ANKRD36: variants seen among roughly 807,000 people sequenced by gnomAD.
ANKRD36 encodes ankyrin repeat domain 36, also known as ankyrin repeat domain-containing protein 36A.
ANKRD36 carries 179 observed loss-of-function variants against 278.1 expected under a neutral mutation model. The observed-to-expected ratio is 0.64, with a 90% confidence interval of 0.57 to 0.73. The LOEUF (loss-of-function observed/expected upper bound fraction) is 0.73. ANKRD36 is among the 30% of genes least tolerant of loss of function. The pLI is 0.00. For missense variants in ANKRD36, 1,159 were observed against 1,956.7 expected, an observed-to-expected ratio of 0.59 and a Z score of 7.69; for synonymous variants, 320 against 641.1, an observed-to-expected ratio of 0.50 and a Z score of 7.57.
chr2:97,196,527 C>T, intron 40 of ANKRD36, 66 bp from the exon 41 acceptor site: 4 of 1,595,934 alleles, frequency 2.5e-6, no homozygotes, highest in African/African-American at 1.3e-5. Context: ...GCTAACTCTG[C>T]TTGAATGTAT....
At position 97,146,156 on chromosome 2, in the gene ANKRD36, C is replaced by T. The variant is rs974353352; in HGVS notation, c.1004-330C>T. On this transcript the variant is annotated intron_variant, in intron 10 of 75. Coordinates refer to ENST00000420699, the MANE Select transcript of ANKRD36 (RefSeq NM_001354587.1). Reference sequence around the variant, plus strand: ...TAATTTTTGTGTTTTTACTAGAGTCCGGCTTTTGCCATGTTGGCCAGGTTG... The same window carrying T: ...TAATTTTTGTGTTTTTACTAGAGTCTGGCTTTTGCCATGTTGGCCAGGTTG... Among the ~76,000 whole-genome samples, 13 of 151,994 alleles carry T rather than the reference C, an allele frequency of 8.6e-5. 1 individual carries two copies. Among genetic ancestry groups the T allele is most frequent in the Admixed American group, 4.6e-4 (7 of 15,224 alleles).
rs2039231034 is a variant in ANKRD36 at position 97,128,575 on chromosome 2, G to A, written c.799+1441G>A. 3.3e-5 allele frequency among the ~76,000 whole-genome samples: 5 copies of A among 151,982 alleles called. No homozygotes were observed. In the Admixed American group the frequency reaches 3.3e-4, roughly 10 times the overall value. On this transcript the variant is annotated intron_variant, in intron 6 of 75. Coordinates refer to ENST00000420699, the MANE Select transcript of ANKRD36 (RefSeq NM_001354587.1). ...GGTATGTCTGTTGTCCAAATATGGG[G>A]AACAAATCTACCAAGATCCTGTGTA...
chr2:97,188,391 G>T (rs1199682395), intron 32 of ANKRD36, among the ~76,000 whole-genome samples: 1 of 151,566 alleles, frequency 6.6e-6, no homozygotes, highest in Non-Finnish European at 1.5e-5. Context: ...GATAATTGAT[G>T]ATATTTTTAT....
chr2:97,133,048 G>A (rs1478307570), intron 6 of ANKRD36, among the ~76,000 whole-genome samples: 1 of 152,104 alleles, frequency 6.6e-6, no homozygotes, highest in African/African-American at 2.4e-5. Context: ...TTTAGGTACA[G>A]TGAGCTACTT....
chr2:97,190,152 A>G lies in ANKRD36; in HGVS notation c.2246-826A>G. Among the ~76,000 whole-genome samples, 3 of 90,810 alleles carry G rather than the reference A, an allele frequency of 3.3e-5. 1 individual carries two copies. The South Asian group carries it at 7.4e-4, about 23-fold the overall frequency. The allele number at this position is 90,810 out of a possible 152,430, so 59.6% of individuals were successfully genotyped here. A position where few individuals can be genotyped will look rare whatever the true frequency, so the allele number is the denominator to read the frequency against. ...TATTTTAGAAACAAAAATTATGTTG[A>G]ATTCTAATTAACTCCTAAAATGGTA... is the stretch of plus-strand genomic sequence containing the variant. On this transcript the variant is annotated intron_variant, in intron 34 of 75. Transcript: ENST00000420699.
chr2:97,132,123 A>G (rs2040347259), intron 6 of ANKRD36, among the ~76,000 whole-genome samples: 2 of 150,562 alleles, frequency 1.3e-5, no homozygotes. Flanking sequence ...CACCGCCCCC[A>G]GCCTACTAAT....
intron 6 of ANKRD36, among the ~76,000 whole-genome samples, chr2:97,141,794 A>G (rs961166662): frequency 3.8e-4 from 58 of 151,898 alleles, no homozygotes; most frequent in Non-Finnish European, 6.8e-4. Flanking sequence ...TATTTTAGAA[A>G]CAAAAATAAT....
chr2:97,208,063 T>C, intron 54 of ANKRD36, 57 bp downstream of exon 54: 1 of 1,424,274 alleles, frequency 7.0e-7, no homozygotes, highest in South Asian at 1.3e-5. Flanking sequence ...AGAAGTTCTC[T>C]TCCCTGAATA....
chr2:97,225,622 T>A (rs996473382), intron 67 of ANKRD36, among the ~76,000 whole-genome samples: 1 of 152,112 alleles, frequency 6.6e-6, no homozygotes, highest in African/African-American at 2.4e-5. Context: ...TGCTTTTCTT[T>A]TTTTATTTTA....
At chr2:97,222,870 T>C (rs1425488510) in intron 66 of ANKRD36, among the ~76,000 whole-genome samples, 1 of 152,048 alleles carries the variant, frequency 6.6e-6, no homozygotes, top group Non-Finnish European at 1.5e-5. Context: ...AACCTATTTT[T>C]TTAATAAGAT....
intron 22 of ANKRD36, among the ~76,000 whole-genome samples, chr2:97,178,220 A>C (rs1182899876): frequency 2.0e-5 from 3 of 151,690 alleles, no homozygotes; most frequent in Middle Eastern, 3.2e-3. Context: ...ACACTTTTAC[A>C]CTGTTGGTGG....
chr2:97,222,597 C>CATAT (rs1396148265), intron 66 of ANKRD36, among the ~76,000 whole-genome samples: 2 of 152,142 alleles, frequency 1.3e-5, no homozygotes, highest in Non-Finnish European at 2.9e-5. Flanking sequence ...AGCACCTTTC[C>CATAT]ATATACCTGT....
chr2:97,227,516 A>G (rs1255445757), intron 67 of ANKRD36, among the ~76,000 whole-genome samples: 1 of 152,114 alleles, frequency 6.6e-6, no homozygotes, highest in Non-Finnish European at 1.5e-5. Context: ...CAGCTTAAGG[A>G]GATTTTGGGC....
At chr2:97,198,347 C>G in intron 42 of ANKRD36, 116 bp from the exon 43 acceptor site, 2 of 1,535,566 alleles carry the variant, frequency 1.3e-6, no homozygotes, top group Non-Finnish European at 1.8e-6. Context: ...TAGAAGCCAT[C>G]AAAGCGTACA....
At chr2:97,180,458 G>T (rs2153541157) in intron 24 of ANKRD36, among the ~76,000 whole-genome samples, 1 of 151,636 alleles carries the variant, frequency 6.6e-6, no homozygotes, top group Non-Finnish European at 1.5e-5. Context: ...TTCTGCTGAG[G>T]AAACCTGAGT....
At position 97,202,353 on chromosome 2, in the gene ANKRD36, T is replaced by C. The variant is rs1418284880; in HGVS notation, c.2919T>C (p.Gly973=). 6.4e-7 allele frequency: 1 copy of C among 1,562,718 alleles called. No homozygotes were observed. Among genetic ancestry groups the C allele is most frequent in the Admixed American group, 1.9e-5 (1 of 52,246 alleles). ...GTSDEEDSVL[G]IARENKDGEK... is the part of the protein sequence containing the mutation. ...GTGACGAGGAAGATTCTGTTTTGGGTATAGCCAGAGAAAACAAGGATGGAG... is the reference window on the plus strand; with the variant it reads ...GTGACGAGGAAGATTCTGTTTTGGGCATAGCCAGAGAAAACAAGGATGGAG... The change falls in exon 48 of 76, where the codon GGT becomes GGC. Residue 973 remains glycine (G), a synonymous_variant. Coordinates refer to ENST00000420699, the MANE Select transcript of ANKRD36 (RefSeq NM_001354587.1).
At chr2:97,185,265 A>G in intron 28 of ANKRD36, 51 bp from the exon 29 acceptor site, 3 of 1,564,812 alleles carry the variant, frequency 1.9e-6, no homozygotes, top group South Asian at 2.2e-5. Flanking sequence ...ATGTATAGAT[A>G]ACTTTATCAT....
chr2:97,182,686 A>G (rs1233478788), intron 26 of ANKRD36, among the ~76,000 whole-genome samples: 2 of 151,274 alleles, frequency 1.3e-5, no homozygotes, highest in African/African-American at 4.8e-5. Context: ...GGATTTCCAA[A>G]TGTCAAAGGT....
intron 22 of ANKRD36, among the ~76,000 whole-genome samples, chr2:97,174,868 C>T (rs565639228): frequency 6.6e-6 from 1 of 151,324 alleles, no homozygotes; most frequent in South Asian, 2.1e-4. Flanking sequence ...GCTTTTTCTG[C>T]ATCTATTGAG....
Sources: gnomAD v4.1 joint callset for allele counts (sites outside exome capture counted in the v4.1 genomes callset) on GRCh38, gnomAD v4.1.1 for gene constraint, MANE v1.5 for transcripts, NCBI Gene and HGNC (gene_info 2026-07-23, HGNC 2026-07-21) for gene names.